The following CLIC5 variants were observed in gnomAD, a reference collection of about 807,000 sequenced individuals.
The protein encoded by CLIC5 is CLIC family member 5.
A neutral mutation model predicts 24.7 loss-of-function variants in CLIC5; 20 were observed. That is an observed-to-expected ratio of 0.81 (90% CI 0.57 to 1.18). The LOEUF is 1.18. Among genes scored for constraint, CLIC5 ranks in the 50% most tolerant of loss-of-function variants. The probability of loss-of-function intolerance (pLI) is 0.00; values close to 1 mark genes in which losing one functional copy is unlikely to be tolerated. For missense variants in CLIC5, 341 were observed against 326.1 expected, an observed-to-expected ratio of 1.05 and a Z score of -0.35; for synonymous variants, 159 against 135.6, an observed-to-expected ratio of 1.17 and a Z score of -1.20.
chr6:46,004,981 A>G (rs894047416), intron 1 of CLIC5, among the ~76,000 whole-genome samples: 1 of 152,230 alleles, frequency 6.6e-6, no homozygotes. Context: ...GTAAATGAAT[A>G]AAAGGCAGGT....
At chr6:46,007,112 G>A (rs1766614695) in intron 1 of CLIC5, among the ~76,000 whole-genome samples, 3 of 152,162 alleles carry the variant, frequency 2.0e-5, no homozygotes, top group Non-Finnish European at 1.5e-5. Context: ...GTGATCCTCA[G>A]CTCTGATCCT....
chr6:45,949,328 G>T lies in CLIC5; in HGVS notation c.227C>A (p.Thr76Asn). The T allele has an allele frequency of 6.2e-7, 1 of 1,614,026 alleles. No homozygotes were observed. The highest frequency in any genetic ancestry group is 8.5e-7 in the Non-Finnish European group (1 of 1,179,928). Residue 76 changes from threonine (T) to asparagine (N), a missense_variant, in exon 3 of 6, where the codon ACC becomes AAC. By Grantham distance (65) the Thr-to-Asn change is moderately conservative (BLOSUM62 0). Coordinates refer to ENST00000339561, the MANE Select transcript of CLIC5 (RefSeq NM_016929.5). ...LAPGTHPPFLTFNGDVKTDVN... is the reference protein window; with the variant it reads ...LAPGTHPPFLNFNGDVKTDVN... ...GTCTGTCTTCACGTCCCCGTTGAAG[G>T]TCAGGAAGGGCGGGTGCGTGCCGGG...
At chr6:46,108,368 T>TTGTGTGTGTGTGTG in the CLIC5 span, among the ~76,000 whole-genome samples, 3 of 142,570 alleles carry the variant, frequency 2.1e-5, no homozygotes, top group African/African-American at 7.8e-5. Context: ...TATCGGGTCT[T>TTGTGTGTGTGTGTG]TGTGTGTGTG....
intron 1 of CLIC5, among the ~76,000 whole-genome samples, chr6:45,977,060 G>T (rs1370124534): frequency 2.0e-5 from 3 of 152,032 alleles, no homozygotes; most frequent in Non-Finnish European, 4.4e-5. Context: ...CAAGAAAGTG[G>T]TGTTTAAACT....
intron 4 of CLIC5, among the ~76,000 whole-genome samples, chr6:45,926,194 TACAC>T (rs376453758): frequency 1.4e-5 from 2 of 147,636 alleles, no homozygotes; most frequent in South Asian, 2.2e-4. Flanking sequence ...CACACACACA[TACAC>T]ACACACACAC....
chr6:45,983,551 G>C (rs186443887), intron 1 of CLIC5, among the ~76,000 whole-genome samples: 1 of 152,182 alleles, frequency 6.6e-6, no homozygotes, highest in Non-Finnish European at 1.5e-5. Context: ...GGCCTTAGGA[G>C]TTACAGACGC....
intron 1 of CLIC5, among the ~76,000 whole-genome samples, chr6:46,068,079 C>A (rs1306915509): frequency 6.6e-6 from 1 of 152,026 alleles, no homozygotes; most frequent in Non-Finnish European, 1.5e-5. Flanking sequence ...TACAGGAACA[C>A]CAGGGAGAAG....
At chr6:45,997,245 C>A (rs1318792975) in intron 1 of CLIC5, among the ~76,000 whole-genome samples, 18 of 150,356 alleles carry the variant, frequency 1.2e-4, no homozygotes, top group African/African-American at 2.0e-4. Context: ...TCAGTAAACT[C>A]TCGCAAGAAC....
At chr6:46,074,681 T>TA (rs1358000484) in intron 1 of CLIC5, among the ~76,000 whole-genome samples, 1 of 152,178 alleles carries the variant, frequency 6.6e-6, no homozygotes, top group Non-Finnish European at 1.5e-5. Flanking sequence ...GTGTTGTTCT[T>TA]ATGTCAACTT....
chr6:46,127,751 A>G, the CLIC5 span, among the ~76,000 whole-genome samples: 30 of 152,324 alleles, frequency 2.0e-4, no homozygotes, highest in African/African-American at 7.2e-4. Flanking sequence ...TCTACAGGTA[A>G]CCATATCCTT....
At position 45,949,385 on chromosome 6, in the gene CLIC5, T is replaced by C. The variant is rs1391383757; in HGVS notation, c.174-4A>G. ...GTTGTGCAGGTCAGCTGGCTTTCTGTAGAGAGAGCAAGATTCAGGTGTTGG... is the reference window on the plus strand; with the variant it reads ...GTTGTGCAGGTCAGCTGGCTTTCTGCAGAGAGAGCAAGATTCAGGTGTTGG... On this transcript the variant is annotated splice_polypyrimidine_tract_variant and splice_region_variant and intron_variant, in intron 2 of 5. Coordinates refer to ENST00000339561, the MANE Select transcript of CLIC5 (RefSeq NM_016929.5). 3 of 1,612,148 alleles carry C rather than the reference T, an allele frequency of 1.9e-6. No individual in the cohort carries two copies. Among genetic ancestry groups the C allele is most frequent in the South Asian group, 1.1e-5 (1 of 90,708 alleles).
At chr6:46,070,888 A>G (rs931051788) in intron 1 of CLIC5, among the ~76,000 whole-genome samples, 1 of 152,156 alleles carries the variant, frequency 6.6e-6, no homozygotes, top group African/African-American at 2.4e-5. Context: ...ACATTCACCA[A>G]TGGAACAGAA....
At chr6:45,940,323 A>G (rs1299757155) in intron 4 of CLIC5, among the ~76,000 whole-genome samples, 2 of 152,206 alleles carry the variant, frequency 1.3e-5, no homozygotes, top group East Asian at 3.8e-4. Flanking sequence ...ACTGACTTGA[A>G]GCCTGTCCTT....
chr6:46,060,021 T>C (rs1762204424), intron 1 of CLIC5, among the ~76,000 whole-genome samples: 1 of 152,192 alleles, frequency 6.6e-6, no homozygotes. Flanking sequence ...CTAGTTTCAT[T>C]CTTCTGCATA....
chr6:46,027,465 C>T (rs1182036180), intron 1 of CLIC5, among the ~76,000 whole-genome samples: 1 of 152,188 alleles, frequency 6.6e-6, no homozygotes, highest in Non-Finnish European at 1.5e-5. Context: ...ATCACATTTT[C>T]ACCTTTTCCT....
intron 3 of CLIC5, among the ~76,000 whole-genome samples, chr6:45,943,949 G>T (rs1030760611): frequency 6.6e-6 from 1 of 152,174 alleles, no homozygotes; most frequent in Non-Finnish European, 1.5e-5. Context: ...TACTATATAG[G>T]ATAAGTGCAT....
At chr6:45,985,355 G>C (rs758080518) in intron 1 of CLIC5, among the ~76,000 whole-genome samples, 1 of 152,174 alleles carries the variant, frequency 6.6e-6, no homozygotes. Context: ...GAATCTAAAA[G>C]TTGCTGTGCC....
chr6:46,044,443 T>TAA (rs1306309101), intron 1 of CLIC5, among the ~76,000 whole-genome samples: 1 of 152,156 alleles, frequency 6.6e-6, no homozygotes, highest in Admixed American at 6.5e-5. Flanking sequence ...TATCATCACT[T>TAA]GGTTTAAGAC....
intron 1 of CLIC5, among the ~76,000 whole-genome samples, chr6:45,986,420 A>G (rs953991206): frequency 1.3e-5 from 2 of 152,186 alleles, no homozygotes; most frequent in Non-Finnish European, 2.9e-5. Flanking sequence ...CAGGCAGGTA[A>G]AAATCCTGCC....
Sources: gnomAD v4.1 joint callset for allele counts (sites outside exome capture counted in the v4.1 genomes callset) on GRCh38, gnomAD v4.1.1 for gene constraint, MANE v1.5 for transcripts, NCBI Gene and HGNC (gene_info 2026-07-23, HGNC 2026-07-21) for gene names.